The following ANKRA2 variants were observed in gnomAD, a reference collection of about 807,000 sequenced individuals.
The protein encoded by ANKRA2 is ankyrin repeat family A member 2, also known as ankyrin repeat family A protein 2.
Under a neutral mutation model 37.8 loss-of-function variants are expected in ANKRA2, and 33 were observed. The observed-to-expected ratio is 0.87, with a 90% CI of 0.66 to 1.17. The LOEUF (loss-of-function observed/expected upper bound fraction) is 1.17, where lower values mean the gene tolerates loss of function less well. ANKRA2 is among the 50% of genes most tolerant of loss of function. The pLI, the probability that ANKRA2 is intolerant of heterozygous loss-of-function variation, is 0.00. For missense variants in ANKRA2, 326 were observed against 373.7 expected (o/e 0.87, Z 1.05); for synonymous variants, 126 against 132.3 (o/e 0.95, Z 0.33).
chr5:73,553,794 T>C (rs1218607200), intron 7 of ANKRA2, among the ~76,000 whole-genome samples: 1 of 151,444 alleles, frequency 6.6e-6, no homozygotes, highest in Non-Finnish European at 1.5e-5. Flanking sequence ...TTTTTTTTTT[T>C]GACAGAGCCT....
At chr5:73,562,351 T>C (rs1402812785) in intron 2 of ANKRA2, 3 of 353,418 alleles carry the variant, frequency 8.5e-6, no homozygotes, top group Non-Finnish European at 1.5e-5. Flanking sequence ...GGAACTTCAT[T>C]AGGGAATTTG....
At chr5:73,563,255 G>C (rs1747604332) in intron 1 of ANKRA2, among the ~76,000 whole-genome samples, 1 of 152,092 alleles carries the variant, frequency 6.6e-6, no homozygotes, top group Non-Finnish European at 1.5e-5. Context: ...TAGGGTTCTG[G>C]TAAAGACCAA....
chr5:73,553,633 C>T, intron 7 of ANKRA2, 147 bp from the exon 8 acceptor site: 4 of 645,830 alleles, frequency 6.2e-6, no homozygotes, highest in Non-Finnish European at 1.1e-5. Context: ...GCATGGGGTA[C>T]TTAGAATTTA....
intron 5 of ANKRA2, 22 bp from the exon 6 acceptor site, chr5:73,555,008 A>G: frequency 6.3e-7 from 1 of 1,596,922 alleles, no homozygotes; most frequent in Non-Finnish European, 8.5e-7. Context: ...AGTAGAGATA[A>G]AAGACTTCTC....
At chr5:73,554,414 G>GT in intron 6 of ANKRA2, 26 bp from the exon 7 acceptor site, 1 of 1,523,596 alleles carries the variant, frequency 6.6e-7, no homozygotes, top group Non-Finnish European at 9.1e-7. Flanking sequence ...GTGATTCAGA[G>GT]TTTTTCACGG....
intron 4 of ANKRA2, 39 bp downstream of exon 4, chr5:73,557,536 C>T: frequency 1.5e-6 from 2 of 1,328,192 alleles, no homozygotes; most frequent in Non-Finnish European, 1.0e-6. Context: ...CTAATAAATC[C>T]TATTGAATTT....
chr5:73,552,738 CTA>C lies in ANKRA2; in HGVS notation c.*57_*58del, dbSNP rs1247183276. The C allele has an allele frequency of 2.6e-5, 39 of 1,476,820 alleles. No individual in the cohort carries two copies. Among genetic ancestry groups the C allele is most frequent in the Non-Finnish European group, 3.5e-5 (37 of 1,070,324 alleles). The allele number at this position is 1,476,820 out of a possible 1,614,324, so 91.5% of individuals were successfully genotyped here. A position where few individuals can be genotyped will look rare whatever the true frequency, so the allele number is the denominator to read the frequency against. On this transcript the variant is annotated 3_prime_UTR_variant, in exon 9 of 9. Coordinates refer to ENST00000296785, the MANE Select transcript of ANKRA2 (RefSeq NM_023039.5). ...GGTAAAAATTTATAAGTAAACAAAA[CTA>C]TCATTTATAAGGACCAAGAAGTAAA...
At position 73,552,341 on chromosome 5, in the gene ANKRA2, A is replaced by G. The variant is rs943029007; in HGVS notation, c.*456T>C. 2 of 151,054 alleles carry G rather than the reference A, an allele frequency of 1.3e-5. No individual in the cohort carries two copies. Among genetic ancestry groups the G allele is most frequent in the African/African-American group, 5.0e-5 (2 of 39,754 alleles). The allele number at this position is 151,054 out of a possible 1,614,324, so 9.4% of individuals were successfully genotyped here. On this transcript the variant is annotated 3_prime_UTR_variant, in exon 9 of 9. Coordinates refer to ENST00000296785, the MANE Select transcript of ANKRA2 (RefSeq NM_023039.5). ...AAAAAAGTAGTATGCAAACTGACAG[A>G]AGAAGTATTTTATTTATTTATAATA...
At chr5:73,564,785 G>A (rs897860969) in intron 1 of ANKRA2, among the ~76,000 whole-genome samples, 5 of 152,146 alleles carry the variant, frequency 3.3e-5, no homozygotes, top group Non-Finnish European at 7.4e-5. Flanking sequence ...AAGGGGGTGG[G>A]TGGAAAATGA....
rs144512596 is a variant in ANKRA2, at chr5:73,553,059, C to T, written c.887-207G>A. ...CTGAGTAACTGTCCAAGTTACTGGACGTTGTGTCTTTGTTTCTTTATTTTT... is the reference window on the plus strand; with the variant it reads ...CTGAGTAACTGTCCAAGTTACTGGATGTTGTGTCTTTGTTTCTTTATTTTT... On this transcript the variant is annotated intron_variant, in intron 8 of 8. Coordinates refer to ENST00000296785, the MANE Select transcript of ANKRA2 (RefSeq NM_023039.5). Among the ~76,000 whole-genome samples the T allele has an allele frequency of 3.2e-4, 48 of 152,244 alleles. No homozygotes were observed. The East Asian group carries it at 6.4e-3, about 20-fold the overall frequency.
intron 3 of ANKRA2, among the ~76,000 whole-genome samples, chr5:73,558,636 G>A (rs1747463512): frequency 6.6e-6 from 1 of 152,220 alleles, no homozygotes; most frequent in Admixed American, 6.5e-5. Flanking sequence ...CTGGGCTCAA[G>A]TGATCCTCCT....
In ANKRA2 at chr5:73,557,646, A is replaced by G. The variant is rs1050560854; in HGVS notation, c.449-6T>C. 12 of 1,605,210 alleles carry G rather than the reference A, an allele frequency of 7.5e-6. No individual in the cohort carries two copies. The highest frequency in any genetic ancestry group is 1.1e-5 in the South Asian group (1 of 90,572). On this transcript the variant is annotated splice_polypyrimidine_tract_variant and splice_region_variant and intron_variant, in intron 3 of 8. Transcript: ENST00000296785. ...CAACTGGTGAACAGACAAAGCTGAA[A>G]GAGTATCATAAAATGCTTCATGAAT...
chr5:73,553,856 C>T (rs1174810039), intron 7 of ANKRA2, among the ~76,000 whole-genome samples: 1 of 151,842 alleles, frequency 6.6e-6, no homozygotes, highest in Non-Finnish European at 1.5e-5. Context: ...CTCATTGCAA[C>T]CTCTGCCCCT....
intron 7 of ANKRA2, 139 bp from the exon 8 acceptor site, chr5:73,553,625 A>G (rs1212164714): frequency 3.0e-6 from 2 of 671,770 alleles, no homozygotes; most frequent in Non-Finnish European, 2.5e-6. Context: ...TACAGAGTGC[A>G]TGGGGTACTT....
chr5:73,563,068 G>GT (rs1747599137), intron 1 of ANKRA2, 83 bp from the exon 2 acceptor site: 2 of 536,270 alleles, frequency 3.7e-6, no homozygotes. Flanking sequence ...ATCAAGTATT[G>GT]TAACAATGCT....
rs774532973 is a variant in ANKRA2, at chr5:73,561,146, T to C, written c.432A>G (p.Thr144=). 2.0e-5 allele frequency: 33 copies of C among 1,612,408 alleles called. No homozygotes were observed. Among genetic ancestry groups the C allele is most frequent in the Non-Finnish European group, 2.7e-5 (32 of 1,179,688 alleles). The change falls in exon 3 of 9, where the codon ACA becomes ACG. Residue 144 remains threonine, a synonymous_variant. Transcript: ENST00000296785. ...AATACTTACAATTTGCTAACAGAGG[T>C]GTGGTAGAGACCTCATTTCCTCTGT... ...NKHRGNEVST[T]PLLANSLSVH...
At chr5:73,562,458 T>C in intron 2 of ANKRA2, 135 bp downstream of exon 2, 1 of 772,942 alleles carries the variant, frequency 1.3e-6, no homozygotes, top group Non-Finnish European at 2.0e-6. Flanking sequence ...TTTTGGTTTC[T>C]ATGAGATTCC....
chr5:73,555,067 T>A, intron 5 of ANKRA2, 81 bp from the exon 6 acceptor site: 1 of 1,544,928 alleles, frequency 6.5e-7, no homozygotes, highest in Non-Finnish European at 8.7e-7. Flanking sequence ...ATAATTATAG[T>A]TCAACACTAG....
chr5:73,553,626 TGGG>T, intron 7 of ANKRA2, 140 bp from the exon 8 acceptor site: 2 of 670,120 alleles, frequency 3.0e-6, no homozygotes, highest in Non-Finnish European at 5.1e-6. Context: ...ACAGAGTGCA[TGGG>T]GTACTTAGAA....
Sources: gnomAD v4.1 joint callset for allele counts (sites outside exome capture counted in the v4.1 genomes callset) on GRCh38, gnomAD v4.1.1 for gene constraint, MANE v1.5 for transcripts, NCBI Gene and HGNC (gene_info 2026-07-23, HGNC 2026-07-21) for gene names.